RUNX1: variants seen among roughly 807,000 people sequenced by gnomAD.
RUNX1 encodes the protein runt-related transcription factor 1.
In RUNX1, 19 loss-of-function variants were observed where a neutral mutation model predicts 42.8. The ratio of observed to expected loss-of-function variants is 0.44; its 90% CI spans 0.31 to 0.65. The LOEUF is 0.65. RUNX1 is among the 30% of genes least tolerant of loss of function. The pLI is 0.07. For missense variants in RUNX1, 528 were observed against 672.0 expected, an observed-to-expected ratio of 0.79 and a Z score of 2.37; for synonymous variants, 271 against 289.4, an observed-to-expected ratio of 0.94 and a Z score of 0.64.
intron 6 of RUNX1, among the ~76,000 whole-genome samples, chr21:34,837,862 T>C (rs1452386973): frequency 1.3e-5 from 2 of 152,184 alleles, no homozygotes; most frequent in Non-Finnish European, 2.9e-5. Context: ...ATCTTAATCT[T>C]AAGCAGAGTT....
intron 2 of RUNX1, among the ~76,000 whole-genome samples, chr21:34,917,450 G>A (rs536950600): frequency 6.6e-6 from 1 of 152,314 alleles, no homozygotes; most frequent in South Asian, 2.1e-4. Context: ...TTGGAATTCT[G>A]CATTAGCATT....
intron 6 of RUNX1, among the ~76,000 whole-genome samples, chr21:34,858,784 G>A (rs1002747404): frequency 2.0e-5 from 3 of 152,162 alleles, no homozygotes; most frequent in Admixed American, 6.5e-5. Context: ...GGAAAAGAGC[G>A]TTACTCTGGT....
Position 34,889,774 on chromosome 21 carries a change from C to A in RUNX1, c.98-2678G>T, listed in dbSNP as rs368651521. 74 of 1,148,278 alleles carry A rather than the reference C, an allele frequency of 6.4e-5. 1 individual carries two copies. The East Asian group carries it at 1.5e-3, about 23-fold the overall frequency. 71.1% of individuals were successfully genotyped at this position (1,148,278 alleles called of 1,614,324 possible). On this transcript the variant is annotated intron_variant, in intron 3 of 8. Transcript: ENST00000675419. ...TCGGAGGGCCCCGCCCCCGGTCCGGCGTGCGCTGCCAACTCCGACCCCGCC... is the reference window on the plus strand; with the variant it reads ...TCGGAGGGCCCCGCCCCCGGTCCGGAGTGCGCTGCCAACTCCGACCCCGCC...
intron 2 of RUNX1, among the ~76,000 whole-genome samples, chr21:34,953,349 T>C (rs2058622374): frequency 6.6e-6 from 1 of 152,180 alleles, no homozygotes; most frequent in African/African-American, 2.4e-5. Context: ...CATCATTTCA[T>C]GTAGCTTGGC....
At chr21:34,873,805 A>C (rs1601501994) in intron 5 of RUNX1, among the ~76,000 whole-genome samples, 1 of 152,328 alleles carries the variant, frequency 6.6e-6, no homozygotes, top group Non-Finnish European at 1.5e-5. Context: ...ACAGAGATCA[A>C]AATACATCTC....
intron 7 of RUNX1, among the ~76,000 whole-genome samples, chr21:34,825,070 G>A (rs1045039430): frequency 6.6e-6 from 1 of 152,184 alleles, no homozygotes; most frequent in Non-Finnish European, 1.5e-5. Flanking sequence ...CAGGCGATTT[G>A]TAAATCACCA....
At chr21:34,882,284 T>C (rs1024106079) in intron 4 of RUNX1, among the ~76,000 whole-genome samples, 4 of 152,222 alleles carry the variant, frequency 2.6e-5, no homozygotes, top group Non-Finnish European at 4.4e-5. Flanking sequence ...CTATCTATTG[T>C]TTTTATTCAT....
intron 5 of RUNX1, among the ~76,000 whole-genome samples, chr21:34,860,788 C>T (rs902406000): frequency 4.6e-5 from 7 of 152,082 alleles, no homozygotes; most frequent in East Asian, 1.9e-4. Flanking sequence ...AAATGTCATG[C>T]GTGTCTTAAT....
At chr21:34,951,986 A>G (rs2058611959) in intron 2 of RUNX1, among the ~76,000 whole-genome samples, 1 of 152,234 alleles carries the variant, frequency 6.6e-6, no homozygotes, top group South Asian at 2.1e-4. Context: ...CCAAATGTCC[A>G]TCAATAATAG....
chr21:34,909,566 T>C (rs867819525), intron 2 of RUNX1, among the ~76,000 whole-genome samples: 5 of 130,100 alleles, frequency 3.8e-5, no homozygotes, highest in Non-Finnish European at 7.7e-5. Context: ...CACTTTCTTA[T>C]ACAGACCAGG....
At chr21:34,921,395 T>C (rs937297643) in intron 2 of RUNX1, among the ~76,000 whole-genome samples, 4 of 151,926 alleles carry the variant, frequency 2.6e-5, no homozygotes, top group African/African-American at 7.2e-5. Context: ...TTGTACAGTA[T>C]TTTTTGTGTC....
rs547103293 is a variant in RUNX1, at chr21:34,934,263, T to G, written c.59-41300A>C. ...GCATATAAGCTTTTGAGTCAAGTTTTTTTTTAATTTTTTTTTAATCATCTT... is the reference window on the plus strand; with the variant it reads ...GCATATAAGCTTTTGAGTCAAGTTTGTTTTTAATTTTTTTTTAATCATCTT... On this transcript the variant is annotated intron_variant, in intron 2 of 8. Coordinates refer to ENST00000675419, the MANE Select transcript of RUNX1 (RefSeq NM_001754.5). Among the ~76,000 whole-genome samples the G allele has an allele frequency of 6.2e-4, 94 of 152,242 alleles. 1 individual carries two copies. Among genetic ancestry groups the G allele is most frequent in the Non-Finnish European group, 5.6e-4 (38 of 68,008 alleles).
At chr21:34,989,322 T>C (rs2058918344) in intron 2 of RUNX1, among the ~76,000 whole-genome samples, 3 of 152,006 alleles carry the variant, frequency 2.0e-5, no homozygotes. Context: ...GATCTCTTTA[T>C]ACTGATCTTT....
At chr21:34,968,566 A>G (rs1374045743) in intron 2 of RUNX1, among the ~76,000 whole-genome samples, 2 of 152,072 alleles carry the variant, frequency 1.3e-5, no homozygotes, top group Non-Finnish European at 2.9e-5. Flanking sequence ...GACCCTCTAG[A>G]ATGTTCTTTA....
At chr21:34,817,179 G>T (rs1310780842) in intron 7 of RUNX1, among the ~76,000 whole-genome samples, 1 of 152,148 alleles carries the variant, frequency 6.6e-6, no homozygotes, top group Non-Finnish European at 1.5e-5. Context: ...ACATAGAGGG[G>T]ATTCAAACTC....
chr21:35,042,961 G>A (rs1221002549), intron 2 of RUNX1, among the ~76,000 whole-genome samples: 1 of 152,138 alleles, frequency 6.6e-6, no homozygotes, highest in African/African-American at 2.4e-5. Context: ...CAGTGTTATT[G>A]CAAGATGAGG....
At chr21:34,983,937 C>G (rs745351243) in intron 2 of RUNX1, among the ~76,000 whole-genome samples, 26 of 152,240 alleles carry the variant, frequency 1.7e-4, no homozygotes, top group Admixed American at 4.6e-4. Flanking sequence ...AATAGGGGAG[C>G]TGGAAAATCT....
At chr21:34,876,808 T>C (rs1013752677) in intron 5 of RUNX1, among the ~76,000 whole-genome samples, 1 of 152,230 alleles carries the variant, frequency 6.6e-6, no homozygotes, top group Non-Finnish European at 1.5e-5. Flanking sequence ...ACTGATTAAA[T>C]ACTCCAACTG....
chr21:34,846,938 G>C (rs765484581), intron 6 of RUNX1, among the ~76,000 whole-genome samples: 1 of 152,118 alleles, frequency 6.6e-6, no homozygotes, highest in African/African-American at 2.4e-5. Context: ...TTTTTGACTC[G>C]TCCTGGGAAA....
Sources: allele counts gnomAD v4.1 joint callset (sites outside exome capture counted in the v4.1 genomes callset), GRCh38; gene constraint gnomAD v4.1.1; transcripts MANE v1.5; gene names NCBI Gene and HGNC (gene_info 2026-07-23, HGNC 2026-07-21).